SLC44A5: variants seen among roughly 807,000 people sequenced by gnomAD.
SLC44A5 encodes the protein choline transporter-like protein 5.
Under a neutral mutation model 101.8 loss-of-function variants are expected in SLC44A5, and 57 were observed. The ratio of observed to expected loss-of-function variants is 0.56; its 90% CI spans 0.45 to 0.70. The LOEUF is 0.70. Ranked by LOEUF, SLC44A5 falls within the 30% of genes least tolerant of loss-of-function variation. The pLI, the probability that SLC44A5 is intolerant of heterozygous loss-of-function variation, is 0.00. For missense variants in SLC44A5, 737 were observed against 853.1 expected (o/e 0.86, Z 1.70); for synonymous variants, 281 against 290.9 (o/e 0.97, Z 0.35).
intron 5 of SLC44A5, among the ~76,000 whole-genome samples, chr1:75,279,247 C>T (rs906398449): frequency 2.6e-5 from 4 of 152,230 alleles, no homozygotes; most frequent in East Asian, 3.9e-4. Flanking sequence ...CTACTCTGTA[C>T]CTCCATGAGA....
In SLC44A5 at chr1:75,463,282, C is replaced by T. The variant is rs535875841; in HGVS notation, c.14-66661G>A. Among the ~76,000 whole-genome samples the T allele has an allele frequency of 7.9e-5, 12 of 151,824 alleles. No homozygotes were observed. The East Asian group carries it at 1.4e-3, about 17-fold the overall frequency. The stretch of plus-strand genomic sequence containing the variant: ...TAAAAATACAAAAATTAGCTGGGCG[C>T]GGTGGCAGGCGCCTGTAGTCCCAGC... On this transcript the variant is annotated intron_variant, in intron 2 of 23. Transcript: ENST00000370859.
At chr1:75,489,420 C>T (rs1668319804) in intron 2 of SLC44A5, among the ~76,000 whole-genome samples, 1 of 152,200 alleles carries the variant, frequency 6.6e-6, no homozygotes, top group African/African-American at 2.4e-5. Flanking sequence ...GATATTCTGT[C>T]TTTACGCTCA....
chr1:75,591,093 G>A (rs1674326141), intron 1 of SLC44A5, among the ~76,000 whole-genome samples: 1 of 152,140 alleles, frequency 6.6e-6, no homozygotes, highest in African/African-American at 2.4e-5. Context: ...TGTATGTTTG[G>A]GAGAAAGTAG....
upstream of SLC44A5, among the ~76,000 whole-genome samples, chr1:75,615,203 G>A (rs1037442005): frequency 6.6e-6 from 1 of 152,060 alleles, no homozygotes; most frequent in Non-Finnish European, 1.5e-5. Flanking sequence ...CGTCTCGACA[G>A]GTTGGGGAGC....
chr1:75,550,185 G>A (rs185123446), intron 1 of SLC44A5, among the ~76,000 whole-genome samples: 1 of 152,170 alleles, frequency 6.6e-6, no homozygotes, highest in East Asian at 1.9e-4. Context: ...CTGATGAACA[G>A]ATAAACAAAA....
At chr1:75,482,739 A>G (rs1439864183) in intron 2 of SLC44A5, among the ~76,000 whole-genome samples, 1 of 152,234 alleles carries the variant, frequency 6.6e-6, no homozygotes, top group Non-Finnish European at 1.5e-5. Flanking sequence ...AAGATCATAA[A>G]ACAAATAAAT....
At chr1:75,338,510 C>T (rs1657618898) in intron 4 of SLC44A5, among the ~76,000 whole-genome samples, 1 of 152,126 alleles carries the variant, frequency 6.6e-6, no homozygotes, top group African/African-American at 2.4e-5. Context: ...TCAATGCTTA[C>T]AAATAAGTTA....
chr1:75,546,115 C>T (rs1489969705), intron 1 of SLC44A5, among the ~76,000 whole-genome samples: 6 of 152,102 alleles, frequency 3.9e-5, no homozygotes, highest in Admixed American at 2.0e-4. Flanking sequence ...AGCCAAGGTG[C>T]CCAGCCCATT....
chr1:75,626,372 A>ATC, the SLC44A5 span, among the ~76,000 whole-genome samples: 1 of 151,976 alleles, frequency 6.6e-6, no homozygotes, highest in South Asian at 2.1e-4. Context: ...GAGGCTGACC[A>ATC]TCTCTCTCTC....
chr1:75,357,200 C>G (rs773043468), intron 3 of SLC44A5: 2 of 455,798 alleles, frequency 4.4e-6, no homozygotes. Flanking sequence ...CTTTTCTTGG[C>G]CTTAGTTGCT....
At chr1:75,675,762 C>G in the SLC44A5 span, among the ~76,000 whole-genome samples, 1 of 152,100 alleles carries the variant, frequency 6.6e-6, no homozygotes, top group Non-Finnish European at 1.5e-5. Context: ...TCAGAGTGAA[C>G]AGACAACCTA....
chr1:75,213,638 T>C, intron 22 of SLC44A5, 67 bp downstream of exon 22: 1 of 1,163,332 alleles, frequency 8.6e-7, no homozygotes, highest in South Asian at 1.3e-5. Context: ...ATTTCTGTTG[T>C]TTAAGTCATC....
chr1:75,273,426 G>A (rs645513), intron 6 of SLC44A5, among the ~76,000 whole-genome samples: 104,685 of 151,860 alleles, frequency 0.69, 36,753 homozygotes, highest in East Asian at 0.94. Context: ...GAATAGAAGT[G>A]TTGCATGTAG....
intron 2 of SLC44A5, among the ~76,000 whole-genome samples, chr1:75,482,515 G>A (rs1226488279): frequency 6.6e-6 from 1 of 152,152 alleles, no homozygotes; most frequent in Non-Finnish European, 1.5e-5. Context: ...GTGTGAGTTT[G>A]TGCATGTGTA....
intron 3 of SLC44A5, among the ~76,000 whole-genome samples, chr1:75,385,131 C>T (rs1250797716): frequency 6.6e-6 from 1 of 151,510 alleles, no homozygotes; most frequent in African/African-American, 2.4e-5. Flanking sequence ...GACACCCTAA[C>T]ATCACAATTA....
At chr1:75,663,217 GT>G in the SLC44A5 span, among the ~76,000 whole-genome samples, 1 of 152,264 alleles carries the variant, frequency 6.6e-6, no homozygotes, top group Admixed American at 6.5e-5. Flanking sequence ...ATGTGATGGT[GT>G]GAGAAGATGG....
intron 6 of SLC44A5, among the ~76,000 whole-genome samples, chr1:75,267,232 CTG>C (rs1651071520): frequency 6.6e-6 from 1 of 152,102 alleles, no homozygotes; most frequent in African/African-American, 2.4e-5. Flanking sequence ...GAAATAAAGA[CTG>C]AGGTAGGTTG....
chr1:75,203,813 C>G lies in SLC44A5; in HGVS notation c.2068G>C (p.Asp690His). The change falls in exon 24 of 24, where the codon GAT (aspartate) becomes CAT (histidine). Residue 690 changes from aspartate (D) to histidine (H), a missense_variant. This residue lies in a region of SLC44A5 where 61 missense variants were observed against 56.5 expected (regional missense o/e 1.08). Transcript: ENST00000370859. ...ICFLEDLERN[D>H]GSTARPYYVS... ...TAATAAGGTCTTGCAGTAGAACCAT[C>G]ATTTCTTTCTAAATCTTCCACTAGG... The G allele has an allele frequency of 6.5e-7, 1 of 1,548,810 alleles. No homozygotes were observed. Among genetic ancestry groups the G allele is most frequent in the Non-Finnish European group, 8.7e-7 (1 of 1,145,710 alleles).
At chr1:75,226,466 G>A (rs1218828557) in intron 13 of SLC44A5, among the ~76,000 whole-genome samples, 1 of 152,006 alleles carries the variant, frequency 6.6e-6, no homozygotes, top group African/African-American at 2.4e-5. Flanking sequence ...TCTGCACTTT[G>A]GTCACCAGGA....
Sources: allele counts gnomAD v4.1 joint callset (sites outside exome capture counted in the v4.1 genomes callset), GRCh38; gene constraint gnomAD v4.1.1; regional missense constraint gnomAD v4.1.1; transcripts MANE v1.5; gene names NCBI Gene and HGNC (gene_info 2026-07-23, HGNC 2026-07-21).